Variants in PRH1 observed in about 807,000 individuals in gnomAD.
PRH1 encodes salivary acidic proline-rich phosphoprotein 1/2.
Under a neutral mutation model 7.9 loss-of-function variants are expected in PRH1, and 7 were observed. The observed-to-expected ratio is 0.89, with a 90% CI of 0.50 to 1.67. The LOEUF (loss-of-function observed/expected upper bound fraction) is 1.67. Among genes scored for constraint, PRH1 ranks in the 40% most tolerant of loss-of-function variants. The pLI is 0.00. For synonymous variants in PRH1, 45 were observed against 80.8 expected, an observed-to-expected ratio of 0.56 and a Z score of 2.38; for missense variants, 109 against 223.6, an observed-to-expected ratio of 0.49 and a Z score of 3.27.
intron 1 of PRH1, among the ~76,000 whole-genome samples, chr12:11,066,822 T>G (rs973413846): frequency 1.3e-5 from 2 of 151,834 alleles, no homozygotes; most frequent in South Asian, 2.1e-4. Context: ...AGTATCCTCA[T>G]GTGGTAGTTC....
chr12:10,938,692 A>G (rs771026801), intron 2 of PRH1: 1 of 1,614,062 alleles, frequency 6.2e-7, no homozygotes, highest in South Asian at 1.1e-5. Flanking sequence ...AAAATCGTGT[A>G]AAGTTACTTG....
upstream of PRH1, among the ~76,000 whole-genome samples, chr12:11,049,661 G>A (rs977863821): frequency 2.0e-5 from 3 of 152,168 alleles, no homozygotes; most frequent in African/African-American, 7.2e-5. Flanking sequence ...AGCATCGTCA[G>A]TTGTTACATA....
intron 2 of PRH1, among the ~76,000 whole-genome samples, chr12:10,917,667 T>A (rs1265268775): frequency 6.6e-6 from 1 of 152,208 alleles, no homozygotes; most frequent in Admixed American, 6.5e-5. Flanking sequence ...TAAACTTCAA[T>A]TTATGTACAC....
intron 1 of PRH1, among the ~76,000 whole-genome samples, chr12:10,992,042 G>A (rs1591778744): frequency 6.6e-6 from 1 of 152,280 alleles, no homozygotes; most frequent in East Asian, 1.9e-4. Context: ...GGGGACAAGA[G>A]TTGCAAAAGC....
At chr12:11,021,628 C>T (rs779000863) in intron 1 of PRH1, 2 of 1,524,248 alleles carry the variant, frequency 1.3e-6, no homozygotes, top group South Asian at 2.4e-5. Flanking sequence ...ACCCACGATG[C>T]TCCCCTTGTG....
intron 1 of PRH1, among the ~76,000 whole-genome samples, chr12:11,022,825 T>C (rs899241065): frequency 1.3e-5 from 2 of 151,978 alleles, no homozygotes; most frequent in Non-Finnish European, 2.9e-5. Flanking sequence ...CATTCTCTCC[T>C]TGCTATATGC....
upstream of PRH1, chr12:11,048,586 T>C: frequency 1.7e-6 from 1 of 576,542 alleles, no homozygotes; most frequent in Non-Finnish European, 3.2e-6. Flanking sequence ...AGCTTTTATG[T>C]GCACCTTGGT....
chr12:11,045,251 G>A (rs1171651733), intron 1 of PRH1, among the ~76,000 whole-genome samples: 1 of 150,810 alleles, frequency 6.6e-6, no homozygotes, highest in African/African-American at 2.4e-5. Flanking sequence ...AGAGTACATG[G>A]ATGCTAAACA....
At chr12:10,960,057 T>C (rs1054431672) in intron 2 of PRH1, among the ~76,000 whole-genome samples, 3 of 152,224 alleles carry the variant, frequency 2.0e-5, no homozygotes, top group Non-Finnish European at 4.4e-5. Context: ...TCACTGGTGA[T>C]CTTAACAAAT....
rs140472738 is a variant in PRH1, at chr12:10,983,421, C to T, written c.-125-9700G>A. On this transcript the variant is annotated intron_variant, in intron 1 of 3. Coordinates refer to the PRH1 transcript ENST00000539853. ...TATTGCCCACAAACATATCCTTCCTCAGATTATCTTGACTGTCTTCTCTTT... is the reference window on the plus strand; with the variant it reads ...TATTGCCCACAAACATATCCTTCCTTAGATTATCTTGACTGTCTTCTCTTT... Among the ~76,000 whole-genome samples the T allele has an allele frequency of 1.7e-3, 254 of 152,344 alleles. 1 individual carries two copies. The highest frequency in any genetic ancestry group is 5.8e-3 in the African/African-American group (242 of 41,572).
chr12:11,102,300 A>G (rs1945279370), intron 1 of PRH1, among the ~76,000 whole-genome samples: 1 of 152,210 alleles, frequency 6.6e-6, no homozygotes, highest in Non-Finnish European at 1.5e-5. Context: ...CTATACTACA[A>G]GGCTATAGTA....
At chr12:11,131,178 T>C (rs1946330461) in intron 1 of PRH1, among the ~76,000 whole-genome samples, 1 of 152,222 alleles carries the variant, frequency 6.6e-6, no homozygotes, top group East Asian at 1.9e-4. Flanking sequence ...GCTGAGCAGA[T>C]ACATTCTCCC....
At chr12:11,094,298 T>TAA (rs1491484619) in intron 1 of PRH1, among the ~76,000 whole-genome samples, 1 of 11,152 alleles carries the variant, frequency 9.0e-5, no homozygotes, top group African/African-American at 3.1e-4. Context: ...CAAGACTCTG[T>TAA]CAAAAAAAAA....
chr12:11,109,665 G>A (rs1945531529), intron 1 of PRH1, among the ~76,000 whole-genome samples: 2 of 152,082 alleles, frequency 1.3e-5, no homozygotes, highest in Non-Finnish European at 2.9e-5. Flanking sequence ...CCCATCTGAA[G>A]ATCACCAACA....
chr12:10,917,198 A>G (rs1463774188), intron 2 of PRH1, among the ~76,000 whole-genome samples: 4 of 152,192 alleles, frequency 2.6e-5, no homozygotes, highest in Admixed American at 6.5e-5. Flanking sequence ...TTCCTTGCCA[A>G]TTAAGTCAGT....
At chr12:10,908,414 C>T (rs879309534) in intron 2 of PRH1, 19 of 1,612,884 alleles carry the variant, frequency 1.2e-5, no homozygotes, top group Non-Finnish European at 1.5e-5. Context: ...CCTTAGCTGC[C>T]ACCAAAAGAA....
chr12:11,031,505 T>C, intron 1 of PRH1: 1 of 751,104 alleles, frequency 1.3e-6, no homozygotes. Flanking sequence ...AACAGCAAGG[T>C]TTATTGAGAA....
chr12:11,013,798 T>C (rs1335989958), intron 1 of PRH1, among the ~76,000 whole-genome samples: 1 of 152,168 alleles, frequency 6.6e-6, no homozygotes, highest in Non-Finnish European at 1.5e-5. Flanking sequence ...GGTTTGAGAT[T>C]GGCTAACTGC....
chr12:10,918,145 T>C (rs555369473), intron 2 of PRH1, among the ~76,000 whole-genome samples: 19 of 152,236 alleles, frequency 1.2e-4, no homozygotes, highest in African/African-American at 4.6e-4. Context: ...CCACGTGTTC[T>C]CGCTTATAAT....
Sources: gnomAD v4.1 joint callset for allele counts (sites outside exome capture counted in the v4.1 genomes callset) on GRCh38, gnomAD v4.1.1 for gene constraint, MANE v1.5 for transcripts, NCBI Gene and HGNC (gene_info 2026-07-23, HGNC 2026-07-21) for gene names.